Variants in PRKCE observed in about 807,000 individuals in gnomAD.
PRKCE encodes protein kinase C epsilon, also known as protein kinase C epsilon type.
In PRKCE, 16 loss-of-function variants were observed where a neutral mutation model predicts 85.4. The ratio of observed to expected loss-of-function variants is 0.19; its 90% CI spans 0.13 to 0.28. The LOEUF (loss-of-function observed/expected upper bound fraction) is 0.28, where lower values mean the gene tolerates loss of function less well. Among genes scored for constraint, PRKCE ranks in the 10% least tolerant of loss-of-function variants. The probability of loss-of-function intolerance (pLI) is 1.00; values close to 1 mark genes in which losing one functional copy is unlikely to be tolerated. For missense variants in PRKCE, 573 were observed against 975.2 expected (o/e 0.59, Z 5.49); for synonymous variants, 388 against 371.5 (o/e 1.04, Z -0.51).
chr2:45,713,653 C>G (rs767959250), intron 1 of PRKCE, among the ~76,000 whole-genome samples: 15 of 152,076 alleles, frequency 9.9e-5, no homozygotes, highest in Non-Finnish European at 1.5e-4. Flanking sequence ...TAAAACCTAC[C>G]TAATAATGAA....
At chr2:46,064,796 A>G (rs1667465909) in intron 10 of PRKCE, among the ~76,000 whole-genome samples, 1 of 152,032 alleles carries the variant, frequency 6.6e-6, no homozygotes, top group Non-Finnish European at 1.5e-5. Flanking sequence ...TTTCTGGGGG[A>G]TTCTTAGTCT....
At chr2:46,000,590 CA>C (rs1704597420) in intron 6 of PRKCE, among the ~76,000 whole-genome samples, 1 of 151,894 alleles carries the variant, frequency 6.6e-6, no homozygotes, top group African/African-American at 2.4e-5. Flanking sequence ...CCAACCCCCA[CA>C]CTGAAATCCT....
chr2:45,747,837 C>T (rs901855608), intron 1 of PRKCE, among the ~76,000 whole-genome samples: 1 of 152,112 alleles, frequency 6.6e-6, no homozygotes, highest in Non-Finnish European at 1.5e-5. Flanking sequence ...CACAAGGGTT[C>T]TAATTTCTCC....
intron 1 of PRKCE, among the ~76,000 whole-genome samples, chr2:45,669,521 G>C (rs1676058606): frequency 6.6e-6 from 1 of 152,174 alleles, no homozygotes; most frequent in South Asian, 2.1e-4. Context: ...TTGATACAGT[G>C]GGGGCTCCAA....
chr2:45,707,930 C>T (rs1679255413), intron 1 of PRKCE, among the ~76,000 whole-genome samples: 1 of 152,206 alleles, frequency 6.6e-6, no homozygotes, highest in Non-Finnish European at 1.5e-5. Flanking sequence ...AGCCTTCCTG[C>T]AGCATGACTT....
At chr2:45,691,050 G>A (rs1410020322) in intron 1 of PRKCE, among the ~76,000 whole-genome samples, 3 of 152,182 alleles carry the variant, frequency 2.0e-5, no homozygotes, top group Admixed American at 6.5e-5. Flanking sequence ...TTCTCTTATG[G>A]CTTAGGATTA....
intron 8 of PRKCE, among the ~76,000 whole-genome samples, chr2:46,006,518 C>A (rs920282914): frequency 3.9e-5 from 6 of 152,218 alleles, no homozygotes; most frequent in Admixed American, 3.9e-4. Flanking sequence ...CTGAAGATCT[C>A]TTTCTGTCAC....
intron 1 of PRKCE, among the ~76,000 whole-genome samples, chr2:45,777,501 C>T (rs2104968442): frequency 6.6e-6 from 1 of 152,228 alleles, no homozygotes; most frequent in Middle Eastern, 3.4e-3. Flanking sequence ...TCCTCATACC[C>T]CTCAGCTGAT....
chr2:45,981,036 C>A (rs543781192), intron 5 of PRKCE, among the ~76,000 whole-genome samples: 2 of 152,222 alleles, frequency 1.3e-5, no homozygotes, highest in Admixed American at 6.5e-5. Flanking sequence ...TGTTCTAAAG[C>A]CTGAGCCCTT....
intron 1 of PRKCE, among the ~76,000 whole-genome samples, chr2:45,781,636 C>T (rs770124297): frequency 3.3e-5 from 5 of 152,142 alleles, no homozygotes; most frequent in East Asian, 1.9e-4. Flanking sequence ...GGCCTCCACC[C>T]GCGCCCGCCC....
chr2:46,081,067 C>G (rs927141503), intron 10 of PRKCE, among the ~76,000 whole-genome samples: 2 of 152,150 alleles, frequency 1.3e-5, no homozygotes, highest in Non-Finnish European at 2.9e-5. Context: ...TCACAACTCA[C>G]TGAAGCCTTC....
intron 11 of PRKCE, among the ~76,000 whole-genome samples, chr2:46,102,562 T>C (rs1054406471): frequency 6.6e-5 from 10 of 152,216 alleles, no homozygotes; most frequent in Non-Finnish European, 1.3e-4. Context: ...TTTTACCTAA[T>C]GCCTTCTTGT....
rs531264738 is a variant in PRKCE, at chr2:45,835,237, C to T, written c.349-7763C>T. Among the ~76,000 whole-genome samples, 5 of 152,264 alleles carry T rather than the reference C, an allele frequency of 3.3e-5. No individual in the cohort carries two copies. In the East Asian group the frequency reaches 7.7e-4, roughly 23 times the overall value. Reference sequence around the variant, plus strand: ...GGAAACTTGTGGAGGAATCCTTATGCGAAATAAATCGTTTTTTTCCATTTT... The same window carrying T: ...GGAAACTTGTGGAGGAATCCTTATGTGAAATAAATCGTTTTTTTCCATTTT... On this transcript the variant is annotated intron_variant, in intron 1 of 14. Coordinates refer to ENST00000306156, the MANE Select transcript of PRKCE (RefSeq NM_005400.3).
At chr2:46,137,857 C>T (rs993666355) in intron 11 of PRKCE, among the ~76,000 whole-genome samples, 6 of 152,104 alleles carry the variant, frequency 3.9e-5, no homozygotes, top group African/African-American at 7.2e-5. Flanking sequence ...TATCTTGATA[C>T]GACATCTTCT....
intron 10 of PRKCE, among the ~76,000 whole-genome samples, chr2:46,034,374 T>C (rs545326461): frequency 6.6e-6 from 1 of 152,336 alleles, no homozygotes; most frequent in African/African-American, 2.4e-5. Flanking sequence ...ATAGTGGTGA[T>C]TAGGGCTCTT....
At chr2:45,748,277 A>T (rs1558628549) in intron 1 of PRKCE, among the ~76,000 whole-genome samples, 1 of 152,234 alleles carries the variant, frequency 6.6e-6, no homozygotes, top group Non-Finnish European at 1.5e-5. Flanking sequence ...CAGGTGAGGA[A>T]ATTGAGGCTC....
chr2:46,106,105 A>G (rs1671690551), intron 11 of PRKCE, among the ~76,000 whole-genome samples: 1 of 152,210 alleles, frequency 6.6e-6, no homozygotes, highest in African/African-American at 2.4e-5. Flanking sequence ...AAGTTGTCAT[A>G]AATCTGCAAA....
chr2:45,960,155 C>T (rs1023602860), intron 2 of PRKCE, among the ~76,000 whole-genome samples: 23 of 152,152 alleles, frequency 1.5e-4, no homozygotes, highest in Non-Finnish European at 3.1e-4. Flanking sequence ...ACCTCCATTT[C>T]ATATTTTTTA....
chr2:45,652,573 C>T lies in PRKCE; in HGVS notation c.348+125C>T. Reference sequence around the variant, plus strand: ...CTGGGGTGTGTGTGCCTGTAAGTCTCAGTTTCCTTGGGGAGGTACACTTCA... The same window carrying T: ...CTGGGGTGTGTGTGCCTGTAAGTCTTAGTTTCCTTGGGGAGGTACACTTCA... On this transcript the variant is annotated intron_variant, in intron 1 of 14. Coordinates refer to ENST00000306156, the MANE Select transcript of PRKCE (RefSeq NM_005400.3). This position sits in a 1 kb window ranked among gnomAD's most constrained non-coding sequence, Gnocchi z 7.7. The T allele has an allele frequency of 1.1e-6, 1 of 936,662 alleles. No individual in the cohort carries two copies. The highest frequency in any genetic ancestry group is 2.6e-5 in the East Asian group (1 of 37,880). 58.0% of individuals were successfully genotyped at this position (936,662 alleles called of 1,614,324 possible).
Sources: gnomAD v4.1 joint callset for allele counts (sites outside exome capture counted in the v4.1 genomes callset) on GRCh38, gnomAD v4.1.1 for gene constraint, Gnocchi (gnomAD v3.1) non-coding constraint, MANE v1.5 for transcripts, NCBI Gene and HGNC (gene_info 2026-07-23, HGNC 2026-07-21) for gene names.